Variants in RADIL observed in about 807,000 individuals in gnomAD.
RADIL encodes the protein ras-associating and dilute domain-containing protein.
A neutral mutation model predicts 97.6 loss-of-function variants in RADIL; 99 were observed. The observed-to-expected ratio is 1.01, with a 90% CI of 0.86 to 1.20. RADIL has a LOEUF of 1.20. Ranked by LOEUF, RADIL falls within the 50% of genes most tolerant of loss-of-function variation. The pLI is 0.00. For synonymous variants in RADIL, 803 were observed against 691.8 expected, an observed-to-expected ratio of 1.16 and a Z score of -2.52; for missense variants, 1,765 against 1,498.9, an observed-to-expected ratio of 1.18 and a Z score of -2.93.
intron 2 of RADIL, chr7:4,838,144 T>G: frequency 1.2e-6 from 1 of 828,796 alleles, no homozygotes; most frequent in Non-Finnish European, 1.5e-6. Flanking sequence ...CCCGTGCTCC[T>G]GCCGCCTGCA....
rs112572708 is a variant in RADIL at position 4,799,066 on chromosome 7, C to T, written c.*312G>A. ...CCCTGCGGCCCCTCCGAGCAGCCCACGCCTGCTGCCCGAGTTGAGACCCCA... is the reference window on the plus strand; with the variant it reads ...CCCTGCGGCCCCTCCGAGCAGCCCATGCCTGCTGCCCGAGTTGAGACCCCA... On this transcript the variant is annotated 3_prime_UTR_variant, in exon 15 of 15. Transcript: ENST00000399583. The T allele has an allele frequency of 2.6e-4, 97 of 366,224 alleles. No individual in the cohort carries two copies. Among genetic ancestry groups the T allele is most frequent in the East Asian group, 6.5e-4 (10 of 15,282 alleles). 22.7% of individuals were successfully genotyped at this position (366,224 alleles called of 1,614,324 possible).
Position 4,817,477 on chromosome 7 carries a change from G to T in RADIL, c.1616-126C>A. 1 of 746,308 alleles carries T rather than the reference G, an allele frequency of 1.3e-6. No individual in the cohort carries two copies. The highest frequency in any genetic ancestry group is 2.1e-6 in the Non-Finnish European group (1 of 466,988). The allele number at this position is 746,308 out of a possible 1,614,324, so 46.2% of individuals were successfully genotyped here. A position where few individuals can be genotyped will look rare whatever the true frequency, so the allele number is the denominator to read the frequency against. On this transcript the variant is annotated intron_variant, in intron 6 of 14. Transcript: ENST00000399583. This position sits in a 1 kb window ranked among gnomAD's most constrained non-coding sequence, Gnocchi z 8.3. ...CAACGCGCCCATCTGGGGTCCAGAT[G>T]CGATAAACTGGCCGAGGGACTCTGG...
chr7:4,810,969 T>G (rs1266801278), intron 9 of RADIL, among the ~76,000 whole-genome samples: 3 of 152,160 alleles, frequency 2.0e-5, no homozygotes, highest in African/African-American at 7.2e-5. Context: ...AGACTCCATT[T>G]CTACTAAAAA....
rs1206615097 is a variant in RADIL, at chr7:4,872,325, C to T, written c.535+5280G>A. Among the ~76,000 whole-genome samples the T allele has an allele frequency of 6.6e-6, 1 of 152,218 alleles. No homozygotes were observed. The highest frequency in any genetic ancestry group is 1.5e-5 in the Non-Finnish European group (1 of 68,040). ...ATCGCCCTGCAACCACGGACGCCTC[C>T]CTCAGCAAAGATGCCCCAACCTAAA... On this transcript the variant is annotated intron_variant, in intron 2 of 14. Transcript: ENST00000399583. The surrounding 1 kb of genome is among the most constrained non-coding windows in gnomAD (Gnocchi z 5.8).
At chr7:4,808,765 C>G (rs1443157381) in intron 9 of RADIL, 14 of 971,928 alleles carry the variant, frequency 1.4e-5, no homozygotes, top group African/African-American at 1.9e-5. Flanking sequence ...CACTGCCCCC[C>G]GTTCCGACGC....
chr7:4,836,808 C>T (rs1206453598), intron 2 of RADIL, among the ~76,000 whole-genome samples: 1 of 152,028 alleles, frequency 6.6e-6, no homozygotes, highest in Non-Finnish European at 1.5e-5. Flanking sequence ...CGTGGTGGTG[C>T]GCATCTGTAA....
intron 11 of RADIL, among the ~76,000 whole-genome samples, chr7:4,802,640 G>C (rs1409040910): frequency 9.0e-5 from 11 of 121,782 alleles, no homozygotes; most frequent in African/African-American, 3.4e-4. Flanking sequence ...CCCCCTCCCC[G>C]GGCACCTCGG....
chr7:4,855,637 A>G (rs954513809), intron 2 of RADIL, among the ~76,000 whole-genome samples: 1 of 151,200 alleles, frequency 6.6e-6, no homozygotes, highest in Admixed American at 6.6e-5. Context: ...AAAAAAAAAA[A>G]AAAAAAAAAA....
At chr7:4,863,782 G>A (rs1393883037) in intron 2 of RADIL, among the ~76,000 whole-genome samples, 1 of 152,192 alleles carries the variant, frequency 6.6e-6, no homozygotes, top group Non-Finnish European at 1.5e-5. Context: ...TGTATTTGGA[G>A]GGGTCTCAAT....
chr7:4,823,243 G>C lies in RADIL; in HGVS notation c.1455-689C>G, dbSNP rs62450186. Among the ~76,000 whole-genome samples the C allele has an allele frequency of 5.7e-3, 873 of 152,186 alleles. 3 individuals are homozygous for C. The highest frequency in any genetic ancestry group is 9.3e-3 in the Non-Finnish European group (632 of 68,022). ...GGCCAAGGCGGGTGGATCACCTGAG[G>C]TCAGGAGTTCGAGACCAGCCTGGCC... On this transcript the variant is annotated intron_variant, in intron 5 of 14. Transcript: ENST00000399583.
At position 4,880,688 on chromosome 7, in the gene RADIL, T is replaced by C. The variant is rs1461258351; in HGVS notation, c.-64-2485A>G. 6.6e-6 allele frequency among the ~76,000 whole-genome samples: 1 copy of C among 152,118 alleles called. No homozygotes were observed. Among genetic ancestry groups the C allele is most frequent in the African/African-American group, 2.4e-5 (1 of 41,416 alleles). On this transcript the variant is annotated intron_variant, in intron 1 of 14. Coordinates refer to ENST00000399583, the MANE Select transcript of RADIL (RefSeq NM_018059.5). The surrounding 1 kb of genome is among the most constrained non-coding windows in gnomAD (Gnocchi z 4.5). The stretch of plus-strand genomic sequence containing the variant: ...GGGTGCAAAGGCAAAGTGCAGGTGG[T>C]GGATGGTACAGCCTCTGCCACCAGG...
In RADIL at chr7:4,840,441, C is replaced by T. The variant is rs533667360; in HGVS notation, c.536-3836G>A. ...TGACCCCAGCCACCTTCAGAAGCATCGCATGGCGCCATCGCTAGACACACA... is the reference window on the plus strand; with the variant it reads ...TGACCCCAGCCACCTTCAGAAGCATTGCATGGCGCCATCGCTAGACACACA... On this transcript the variant is annotated intron_variant, in intron 2 of 14. Transcript: ENST00000399583. This position sits in a 1 kb window ranked among gnomAD's most constrained non-coding sequence, Gnocchi z 5.6. Among the ~76,000 whole-genome samples the T allele has an allele frequency of 2.6e-5, 4 of 152,262 alleles. No homozygotes were observed. The highest frequency in any genetic ancestry group is 1.9e-4 in the East Asian group (1 of 5,168).
chr7:4,814,270 G>A lies in RADIL; in HGVS notation c.2139+1008C>T, dbSNP rs1161605457. 1.3e-5 allele frequency among the ~76,000 whole-genome samples: 2 copies of A among 152,172 alleles called. No individual in the cohort carries two copies. Among genetic ancestry groups the A allele is most frequent in the African/African-American group, 2.4e-5 (1 of 41,444 alleles). On this transcript the variant is annotated intron_variant, in intron 9 of 14. Coordinates refer to ENST00000399583, the MANE Select transcript of RADIL (RefSeq NM_018059.5). This position sits in a 1 kb window ranked among gnomAD's most constrained non-coding sequence, Gnocchi z 4.5. ...CATGTGTTCAATCTGCCACACGTAG[G>A]ATCCAGACAGCCTCATTTTACGAAT...
At chr7:4,861,940 C>T in intron 2 of RADIL, 1 of 506,586 alleles carries the variant, frequency 2.0e-6, no homozygotes. Context: ...ACTCCCACTC[C>T]CGCTGCGCGC....
chr7:4,836,301 C>A (rs957955334), intron 3 of RADIL, 57 bp downstream of exon 3: 58 of 1,549,382 alleles, frequency 3.7e-5, no homozygotes, highest in Non-Finnish European at 4.3e-5. Context: ...ACTTCTGAGT[C>A]CCGCCTGCTG....
chr7:4,801,878 C>A lies in RADIL; in HGVS notation c.2617G>T (p.Gly873Trp). ...GGGGGGGCCTGTGCCCAGGGAGCCCCCCTCAAGGGAAGAGTACGCTCCGGG... is the reference window on the plus strand; with the variant it reads ...GGGGGGGCCTGTGCCCAGGGAGCCCACCTCAAGGGAAGAGTACGCTCCGGG... ...VAPERTLPLR[G>W]APWAQAPPGR... Residue 873 changes from glycine to tryptophan, a missense_variant, in exon 12 of 15, where the codon GGG becomes TGG. Physicochemically the swap from Gly to Trp is radical, Grantham distance 184. Transcript: ENST00000399583. The A allele has an allele frequency of 6.3e-7, 1 of 1,589,142 alleles. No individual in the cohort carries two copies. Among genetic ancestry groups the A allele is most frequent in the Middle Eastern group, 1.7e-4 (1 of 5,908 alleles).
chr7:4,860,770 A>G (rs1369620926), intron 2 of RADIL: 7 of 1,614,208 alleles, frequency 4.3e-6, no homozygotes, highest in Non-Finnish European at 5.9e-6. Flanking sequence ...CGTGTGTGAT[A>G]GCAAGCCCCT....
In RADIL at chr7:4,802,144, G is replaced by A. The variant is rs144712648; in HGVS notation, c.2500-149C>T. ...CCGCAGCCTGTGCAGCTTGAGACGCGCAAGAGGCAAAGGGGCTTCCCCGCC... is the reference window on the plus strand; with the variant it reads ...CCGCAGCCTGTGCAGCTTGAGACGCACAAGAGGCAAAGGGGCTTCCCCGCC... On this transcript the variant is annotated intron_variant, in intron 11 of 14. Coordinates refer to ENST00000399583, the MANE Select transcript of RADIL (RefSeq NM_018059.5). 2.4e-4 allele frequency: 157 copies of A among 660,198 alleles called. 1 individual carries two copies. Among genetic ancestry groups the A allele is most frequent in the African/African-American group, 2.3e-3 (125 of 54,402 alleles). 40.9% of individuals were successfully genotyped at this position (660,198 alleles called of 1,614,324 possible).
At position 4,861,676 on chromosome 7, in the gene RADIL, T is replaced by G. The variant is rs772418058; in HGVS notation, c.535+15929A>C. 44 of 1,598,566 alleles carry G rather than the reference T, an allele frequency of 2.8e-5. No individual in the cohort carries two copies. Among genetic ancestry groups the G allele is most frequent in the South Asian group, 6.8e-5 (6 of 88,592 alleles). On this transcript the variant is annotated intron_variant, in intron 2 of 14. Transcript: ENST00000399583. Reference sequence around the variant, plus strand: ...CGAAGACCCCGAAGGGCCTGAGGGTTTCTATTAGCCTCTGGGTGAGGAGGC... The same window carrying G: ...CGAAGACCCCGAAGGGCCTGAGGGTGTCTATTAGCCTCTGGGTGAGGAGGC...
Sources: gnomAD v4.1 joint callset for allele counts (sites outside exome capture counted in the v4.1 genomes callset) on GRCh38, gnomAD v4.1.1 for gene constraint, Gnocchi (gnomAD v3.1) non-coding constraint, MANE v1.5 for transcripts, NCBI Gene and HGNC (gene_info 2026-07-23, HGNC 2026-07-21) for gene names.